EPM2A: variants seen among roughly 807,000 people sequenced by gnomAD.
The protein encoded by EPM2A is EPM2A glucan phosphatase, laforin, also known as laforin.
A neutral mutation model predicts 26.5 loss-of-function variants in EPM2A; 21 were observed. The ratio of observed to expected loss-of-function variants is 0.79; its 90% CI spans 0.56 to 1.14. The LOEUF is 1.14. EPM2A is among the 50% of genes most tolerant of loss of function. The probability of loss-of-function intolerance (pLI) is 0.00; values close to 1 mark genes in which losing one functional copy is unlikely to be tolerated. For synonymous variants in EPM2A, 217 were observed against 177.6 expected (o/e 1.22, Z -1.76); for missense variants, 458 against 440.8 (o/e 1.04, Z -0.35).
At position 145,709,067 on chromosome 6, in the gene EPM2A, C is replaced by T. The variant is rs555312216; in HGVS notation, c.302-22771G>A. On this transcript the variant is annotated intron_variant, in intron 1 of 3. Coordinates refer to ENST00000367519, the MANE Select transcript of EPM2A (RefSeq NM_005670.4). ...CATTTTGGACTGGTGTATTTACCCA[C>T]TGTCTGCATCCCCATTGTATCTGAG... Among the ~76,000 whole-genome samples, 18 of 152,334 alleles carry T rather than the reference C, an allele frequency of 1.2e-4. No homozygotes were observed. In the South Asian group the frequency reaches 3.7e-3, roughly 32 times the overall value.
rs139388429 is a variant in EPM2A, at chr6:145,419,788, A to G, written c.556-35691T>C. Among the ~76,000 whole-genome samples, 3 of 152,294 alleles carry G rather than the reference A, an allele frequency of 2.0e-5. No individual in the cohort carries two copies. In the East Asian group the frequency reaches 5.8e-4, roughly 29 times the overall value. The stretch of plus-strand genomic sequence containing the variant: ...TACTAATCTAAAAGAACTTGGTAAA[A>G]AAACCATTCTGAATAATTTACTAAT... On this transcript the variant is annotated intron_variant, in intron 4 of 4. Transcript: ENST00000638717.
intron 2 of EPM2A, chr6:145,671,073 CTG>C (rs1779601480): frequency 1.0e-6 from 1 of 985,000 alleles, no homozygotes; most frequent in Non-Finnish European, 1.2e-6. Context: ...AATGTCTTGA[CTG>C]TGAACTATAG....
intron 1 of EPM2A, among the ~76,000 whole-genome samples, chr6:145,712,712 G>C (rs1775406248): frequency 6.6e-6 from 1 of 152,120 alleles, no homozygotes; most frequent in Non-Finnish European, 1.5e-5. Flanking sequence ...AAAAATGCCT[G>C]GAAAAGCTTC....
intron 4 of EPM2A, among the ~76,000 whole-genome samples, chr6:145,456,521 A>T (rs1476649171): frequency 6.6e-6 from 1 of 152,214 alleles, no homozygotes; most frequent in East Asian, 1.9e-4. Context: ...CCATCTAATG[A>T]AAAATCCAGA....
intron 4 of EPM2A, among the ~76,000 whole-genome samples, chr6:145,493,755 T>C (rs1238866166): frequency 1.3e-5 from 2 of 152,152 alleles, no homozygotes; most frequent in Non-Finnish European, 2.9e-5. Context: ...ATCACGTGCT[T>C]TTTGTCTTTA....
At chr6:145,661,612 C>A (rs1302352115) in intron 2 of EPM2A, among the ~76,000 whole-genome samples, 1 of 152,170 alleles carries the variant, frequency 6.6e-6, no homozygotes, top group Non-Finnish European at 1.5e-5. Context: ...CAGCTTTTTA[C>A]GTGTTCTTTT....
intron 4 of EPM2A, among the ~76,000 whole-genome samples, chr6:145,457,465 T>C (rs532414104): frequency 3.4e-4 from 47 of 139,280 alleles, no homozygotes; most frequent in African/African-American, 1.2e-3. Context: ...GCCTGGGCAC[T>C]AGAGTGACTC....
At chr6:145,405,358 T>A (rs9399545) in intron 4 of EPM2A, among the ~76,000 whole-genome samples, 40,295 of 152,052 alleles carry the variant, frequency 0.27, 5,712 homozygotes, top group Non-Finnish European at 0.32. Context: ...GTGTCTGCTG[T>A]GGCTGCCGGT....
intron 4 of EPM2A, among the ~76,000 whole-genome samples, chr6:145,485,046 A>G (rs1440022165): frequency 6.6e-6 from 1 of 150,692 alleles, no homozygotes; most frequent in Non-Finnish European, 1.5e-5. Context: ...GGTATTGGCT[A>G]GAAATTCCCT....
At chr6:145,433,942 G>GTTA (rs1367009915) in intron 4 of EPM2A, among the ~76,000 whole-genome samples, 2 of 151,834 alleles carry the variant, frequency 1.3e-5, no homozygotes, top group Admixed American at 6.6e-5. Context: ...GCAGAAATTT[G>GTTA]TTATTATTAT....
At chr6:145,490,051 T>G in intron 4 of EPM2A, 3 of 1,296,158 alleles carry the variant, frequency 2.3e-6, no homozygotes, top group Non-Finnish European at 3.2e-6. Flanking sequence ...TCACTTGTGC[T>G]GAATCCACCT....
At chr6:145,454,124 A>C (rs2114711092) in intron 4 of EPM2A, among the ~76,000 whole-genome samples, 1 of 152,316 alleles carries the variant, frequency 6.6e-6, no homozygotes, top group East Asian at 1.9e-4. Context: ...AGATTTCAAA[A>C]TTCAGCATGT....
downstream of EPM2A, among the ~76,000 whole-genome samples, chr6:145,623,670 T>G (rs1457965217): frequency 6.6e-6 from 1 of 152,176 alleles, no homozygotes; most frequent in Non-Finnish European, 1.5e-5. Context: ...GAGTTACATT[T>G]TTATCAAAGC....
At chr6:145,388,345 C>T (rs926881590) in intron 4 of EPM2A, among the ~76,000 whole-genome samples, 1 of 152,140 alleles carries the variant, frequency 6.6e-6, no homozygotes, top group African/African-American at 2.4e-5. Flanking sequence ...TCTCTGCCCT[C>T]TTCACTCTAC....
At chr6:145,543,318 T>C (rs952327031) in intron 2 of EPM2A, among the ~76,000 whole-genome samples, 2 of 152,144 alleles carry the variant, frequency 1.3e-5, no homozygotes, top group African/African-American at 2.4e-5. Context: ...GAAAGGTGTC[T>C]ACACAAGCAA....
chr6:145,412,081 G>GT (rs1461969370), intron 4 of EPM2A, among the ~76,000 whole-genome samples: 1 of 151,956 alleles, frequency 6.6e-6, no homozygotes, highest in Non-Finnish European at 1.5e-5. Context: ...GCCGGGTGCG[G>GT]TGGCAGACAC....
chr6:145,620,584 C>T (rs949987219), downstream of EPM2A, among the ~76,000 whole-genome samples: 11 of 152,296 alleles, frequency 7.2e-5, no homozygotes, highest in South Asian at 4.2e-4. Context: ...TTATATACAG[C>T]GAACAGTAAA....
intron 4 of EPM2A, among the ~76,000 whole-genome samples, chr6:145,398,582 A>G (rs1402657012): frequency 1.3e-5 from 2 of 152,118 alleles, no homozygotes; most frequent in Admixed American, 6.6e-5. Flanking sequence ...CATTAATAAT[A>G]CCTGTCATCT....
intron 4 of EPM2A, among the ~76,000 whole-genome samples, chr6:145,393,161 G>C (rs1055967360): frequency 1.3e-5 from 2 of 151,934 alleles, no homozygotes; most frequent in Admixed American, 1.3e-4. Flanking sequence ...ACTCTAAAAG[G>C]CCTCATGAAT....
Sources: gnomAD v4.1 joint callset for allele counts (sites outside exome capture counted in the v4.1 genomes callset) on GRCh38, gnomAD v4.1.1 for gene constraint, MANE v1.5 for transcripts, NCBI Gene and HGNC (gene_info 2026-07-23, HGNC 2026-07-21) for gene names.